DOCK8: variants seen among roughly 807,000 people sequenced by gnomAD.
The protein encoded by DOCK8 is dedicator of cytokinesis protein 8.
A neutral mutation model predicts 245.6 loss-of-function variants in DOCK8; 141 were observed. That is an observed-to-expected ratio of 0.57 (90% CI 0.50 to 0.66). The LOEUF (loss-of-function observed/expected upper bound fraction) is 0.66. DOCK8 is among the 30% of genes least tolerant of loss of function. The probability of loss-of-function intolerance (pLI) is 0.00; values close to 1 mark genes in which losing one functional copy is unlikely to be tolerated. For synonymous variants in DOCK8, 1,168 were observed against 970.2 expected (o/e 1.20, Z -3.79); for missense variants, 2,965 against 2,603.4 (o/e 1.14, Z -3.02).
At position 390,562 on chromosome 9, in the gene DOCK8, T is replaced by C. The variant is rs2054147412; in HGVS notation, c.2966T>C (p.Leu989Pro). 1 of 1,614,110 alleles carries C rather than the reference T, an allele frequency of 6.2e-7. No individual in the cohort carries two copies. The highest frequency in any genetic ancestry group is 1.1e-5 in the South Asian group (1 of 91,088). The change falls in exon 24 of 48, where the codon CTT becomes CCT. Residue 989 changes from leucine (L) to proline (P), a missense_variant. Physicochemically the swap from Leu to Pro is moderately conservative, Grantham distance 98. Coordinates refer to ENST00000432829, the MANE Select transcript of DOCK8 (RefSeq NM_203447.4). ...VFKYAWFFFELLVKSMAQHVH... is the reference protein window; with the variant it reads ...VFKYAWFFFEPLVKSMAQHVH... ...AAGTATGCCTGGTTCTTCTTTGAGC[T>C]TCTGGTGAGATTCTTGCGCGTTTGT...
At chr9:454,029 A>G (rs2057547735) in intron 46 of DOCK8, among the ~76,000 whole-genome samples, 1 of 152,228 alleles carries the variant, frequency 6.6e-6, no homozygotes, top group Non-Finnish European at 1.5e-5. Context: ...AATAGAATGC[A>G]GCATATGCAC....
At chr9:262,092 A>G (rs1467247374) in intron 1 of DOCK8, among the ~76,000 whole-genome samples, 1 of 152,122 alleles carries the variant, frequency 6.6e-6, no homozygotes, top group Non-Finnish European at 1.5e-5. Flanking sequence ...CCTAAAATAA[A>G]AGTTAAATAT....
At chr9:266,741 A>G (rs1441415228) in intron 1 of DOCK8, among the ~76,000 whole-genome samples, 4 of 152,190 alleles carry the variant, frequency 2.6e-5, no homozygotes, top group African/African-American at 4.8e-5. Flanking sequence ...CTTAGTCACA[A>G]TGGGTATTGA....
chr9:405,614 C>G (rs1268160845), intron 27 of DOCK8, among the ~76,000 whole-genome samples: 2 of 152,148 alleles, frequency 1.3e-5, no homozygotes, highest in African/African-American at 4.8e-5. Flanking sequence ...AAATGTTACT[C>G]TGGAATAACT....
chr9:331,379 G>C (rs1194647823), intron 9 of DOCK8, among the ~76,000 whole-genome samples: 1 of 152,188 alleles, frequency 6.6e-6, no homozygotes, highest in East Asian at 1.9e-4. Context: ...GAGACTTCCT[G>C]CTTGGAGTCC....
intron 1 of DOCK8, among the ~76,000 whole-genome samples, chr9:221,378 A>T (rs2046878519): frequency 6.6e-6 from 1 of 152,194 alleles, no homozygotes; most frequent in Admixed American, 6.5e-5. Flanking sequence ...ATATTTGGAA[A>T]AAAATGTAGA....
In DOCK8 at chr9:233,568, A is replaced by G. The variant is rs546175640; in HGVS notation, c.53+18539A>G. Among the ~76,000 whole-genome samples, 206 of 151,680 alleles carry G rather than the reference A, an allele frequency of 1.4e-3. 2 individuals carry two copies. Among genetic ancestry groups the G allele is most frequent in the African/African-American group, 4.7e-3 (196 of 41,428 alleles). On this transcript the variant is annotated intron_variant, in intron 1 of 47. Transcript: ENST00000432829. Reference sequence around the variant, plus strand: ...TAGGTCACTAAGGACTTGCTTTATGAATCTGGGTGCTCCTGTATTGGGTGC... The same window carrying G: ...TAGGTCACTAAGGACTTGCTTTATGGATCTGGGTGCTCCTGTATTGGGTGC...
At chr9:323,297 C>T (rs1157950833) in intron 7 of DOCK8, among the ~76,000 whole-genome samples, 19 of 139,582 alleles carry the variant, frequency 1.4e-4, no homozygotes, top group Admixed American at 9.9e-4. Flanking sequence ...GATCTCGGCT[C>T]ACTGCAACTT....
chr9:333,584 G>C (rs2051154954), intron 10 of DOCK8, among the ~76,000 whole-genome samples: 1 of 147,528 alleles, frequency 6.8e-6, no homozygotes, highest in African/African-American at 2.6e-5. Context: ...CTGGGTGACA[G>C]AGTGAGACTC....
chr9:298,417 T>G lies in DOCK8; in HGVS notation c.405-6164T>G, dbSNP rs528265788. 7.2e-5 allele frequency among the ~76,000 whole-genome samples: 11 copies of G among 152,336 alleles called. No individual in the cohort carries two copies. The South Asian group carries it at 1.5e-3, about 20-fold the overall frequency. On this transcript the variant is annotated intron_variant, in intron 4 of 47. Coordinates refer to ENST00000432829, the MANE Select transcript of DOCK8 (RefSeq NM_203447.4). The stretch of plus-strand genomic sequence containing the variant: ...TCCAGCCTGGGTGAAGGAGCCAGAC[T>G]CTGTCTCCAAAAACAAAAACAAACA...
At chr9:356,030 C>G (rs1035140586) in intron 14 of DOCK8, among the ~76,000 whole-genome samples, 2 of 152,148 alleles carry the variant, frequency 1.3e-5, no homozygotes, top group African/African-American at 4.8e-5. Flanking sequence ...TTCTAATAAA[C>G]CAACATGGGG....
chr9:391,754 G>A (rs1260084484), intron 24 of DOCK8, among the ~76,000 whole-genome samples: 2 of 151,228 alleles, frequency 1.3e-5, no homozygotes, highest in Non-Finnish European at 2.9e-5. Flanking sequence ...TTTGGAGTAG[G>A]TTGAGATTTA....
chr9:414,638 A>G, intron 28 of DOCK8, 144 bp from the exon 29 acceptor site: 1 of 925,886 alleles, frequency 1.1e-6, no homozygotes, highest in Non-Finnish European at 1.7e-6. Context: ...CTGTTTCTGG[A>G]TTCTATGTAG....
chr9:432,770 T>C (rs574758626), intron 37 of DOCK8, among the ~76,000 whole-genome samples: 2 of 152,172 alleles, frequency 1.3e-5, no homozygotes, highest in East Asian at 3.9e-4. Context: ...GTTGAAACAA[T>C]GAATTGTTTG....
chr9:460,816 G>A (rs1362256248), intron 46 of DOCK8, among the ~76,000 whole-genome samples: 2 of 152,198 alleles, frequency 1.3e-5, no homozygotes, highest in African/African-American at 4.8e-5. Context: ...CTGAAAATGT[G>A]TTCAGTGTTA....
At chr9:243,087 C>T (rs2047415693) in intron 1 of DOCK8, among the ~76,000 whole-genome samples, 1 of 152,110 alleles carries the variant, frequency 6.6e-6, no homozygotes, top group African/African-American at 2.4e-5. Flanking sequence ...AGATTCTAAG[C>T]TTATTTTCCC....
rs751650681 is a variant in DOCK8 at position 432,337 on chromosome 9, A to G, written c.4785+13A>G. On this transcript the variant is annotated intron_variant, in intron 37 of 47. Transcript: ENST00000432829. ...TTTTCCCACCCAGGTACACCGAAGC[A>G]CATACCTTGTCTCATGCATGAGTTT... The G allele has an allele frequency of 6.2e-7, 1 of 1,613,964 alleles. No individual in the cohort carries two copies. Among genetic ancestry groups the G allele is most frequent in the East Asian group, 2.2e-5 (1 of 44,868 alleles).
At chr9:442,153 G>A in intron 42 of DOCK8, 144 bp downstream of exon 42, 1 of 1,170,124 alleles carries the variant, frequency 8.5e-7, no homozygotes, top group Non-Finnish European at 1.2e-6. Context: ...ATTTATAAAA[G>A]GCAAAGTAGA....
At chr9:286,213 G>T (rs1214938952) in intron 2 of DOCK8, among the ~76,000 whole-genome samples, 1 of 152,172 alleles carries the variant, frequency 6.6e-6, no homozygotes, top group African/African-American at 2.4e-5. Context: ...CAATTAAGGA[G>T]AGAAAAATTC....
Sources: gnomAD v4.1 joint callset for allele counts (sites outside exome capture counted in the v4.1 genomes callset) on GRCh38, gnomAD v4.1.1 for gene constraint, MANE v1.5 for transcripts, NCBI Gene and HGNC (gene_info 2026-07-23, HGNC 2026-07-21) for gene names.